The following PKNOX2 variants were observed in gnomAD, a reference collection of about 807,000 sequenced individuals.
PKNOX2 encodes the protein PBX/knotted 1 homeobox 2, also known as homeobox protein PKNOX2.
A neutral mutation model predicts 53.1 loss-of-function variants in PKNOX2; 14 were observed. The observed-to-expected ratio is 0.26, with a 90% CI of 0.17 to 0.41. PKNOX2 has a LOEUF of 0.41. PKNOX2 is among the 10% of genes least tolerant of loss of function. The pLI is 1.00. For missense variants in PKNOX2, 496 were observed against 602.8 expected (o/e 0.82, Z 1.85); for synonymous variants, 257 against 242.8 (o/e 1.06, Z -0.54).
Position 125,374,664 on chromosome 11 carries a change from G to A in PKNOX2, c.227+6679G>A, listed in dbSNP as rs80277332. 3.0e-4 allele frequency among the ~76,000 whole-genome samples: 46 copies of A among 152,232 alleles called. No individual in the cohort carries two copies. In the East Asian group the frequency reaches 8.3e-3, roughly 27 times the overall value. On this transcript the variant is annotated intron_variant, in intron 5 of 12. Transcript: ENST00000298282. ...GAGTGGTTGGTCGTGCTGCTTCCAC[G>A]GCTCACCTCCCTGACCTAGGTAGAG...
At chr11:125,313,954 G>A (rs1318615203) in intron 2 of PKNOX2, among the ~76,000 whole-genome samples, 1 of 152,180 alleles carries the variant, frequency 6.6e-6, no homozygotes, top group Non-Finnish European at 1.5e-5. Context: ...GCAGCCCTGT[G>A]AGTTCTGTGT....
intron 1 of PKNOX2, among the ~76,000 whole-genome samples, chr11:125,213,152 C>A (rs934701754): frequency 2.6e-5 from 4 of 152,120 alleles, no homozygotes. Context: ...TATTCTCCCC[C>A]ATCTTCAAAA....
chr11:125,200,616 G>A (rs770685061), intron 1 of PKNOX2, among the ~76,000 whole-genome samples: 9 of 152,086 alleles, frequency 5.9e-5, no homozygotes, highest in Non-Finnish European at 1.2e-4. Flanking sequence ...CTGGCCCTCC[G>A]TCTGTTCTCT....
chr11:125,270,824 A>G (rs915646811), intron 2 of PKNOX2, among the ~76,000 whole-genome samples: 3 of 152,206 alleles, frequency 2.0e-5, no homozygotes, highest in Admixed American at 6.5e-5. Context: ...CTTGGAAATC[A>G]TCACGAGCAC....
At chr11:125,270,263 G>A (rs1945687213) in intron 2 of PKNOX2, among the ~76,000 whole-genome samples, 1 of 152,214 alleles carries the variant, frequency 6.6e-6, no homozygotes, top group Non-Finnish European at 1.5e-5. Context: ...CAAACCGAAT[G>A]ACTGGCATCG....
In PKNOX2 at chr11:125,310,446, G is replaced by A. The variant is rs183792197; in HGVS notation, c.-129-21373G>A. Among the ~76,000 whole-genome samples, 1,271 of 151,640 alleles carry A rather than the reference G, an allele frequency of 8.4e-3. 10 individuals are homozygous for A. The highest frequency in any genetic ancestry group is 0.013 in the Non-Finnish European group (870 of 67,924). The stretch of plus-strand genomic sequence containing the variant: ...GGAGGCGGAGGTTGCAGTGAGCCGA[G>A]ATCCTACCACTGCACTCCAGCCTGT... On this transcript the variant is annotated intron_variant, in intron 2 of 12. Coordinates refer to ENST00000298282, the MANE Select transcript of PKNOX2 (RefSeq NM_001382323.2).
chr11:125,248,133 T>C (rs1018361420), intron 2 of PKNOX2, among the ~76,000 whole-genome samples: 1 of 152,208 alleles, frequency 6.6e-6, no homozygotes, highest in Non-Finnish European at 1.5e-5. Context: ...GAATTTGCAA[T>C]AGATGTTTCC....
At chr11:125,341,458 C>T (rs1950682801) in intron 3 of PKNOX2, among the ~76,000 whole-genome samples, 1 of 152,134 alleles carries the variant, frequency 6.6e-6, no homozygotes, top group South Asian at 2.1e-4. Flanking sequence ...AGACTTTGTG[C>T]AGTCATATTG....
intron 5 of PKNOX2, among the ~76,000 whole-genome samples, chr11:125,382,994 C>T (rs1340104202): frequency 6.6e-6 from 1 of 152,102 alleles, no homozygotes; most frequent in African/African-American, 2.4e-5. Flanking sequence ...GTTTAGGCAT[C>T]GGCTTCCAAA....
chr11:125,411,486 C>CTCTG (rs1955517991), intron 9 of PKNOX2: 1 of 433,944 alleles, frequency 2.3e-6, no homozygotes, highest in African/African-American at 2.1e-5. Flanking sequence ...CTCTCTCTCT[C>CTCTG]TCTCTCTCTC....
chr11:125,376,620 G>T (rs1287855519), intron 5 of PKNOX2, among the ~76,000 whole-genome samples: 1 of 152,222 alleles, frequency 6.6e-6, no homozygotes, highest in Non-Finnish European at 1.5e-5. Context: ...GAGCCTGAAA[G>T]AACTTGAGGA....
At chr11:125,315,230 G>A (rs1401927875) in intron 2 of PKNOX2, among the ~76,000 whole-genome samples, 3 of 133,886 alleles carry the variant, frequency 2.2e-5, no homozygotes, top group South Asian at 2.5e-4. Context: ...GGAGAAATCC[G>A]AATAACTAAT....
intron 2 of PKNOX2, among the ~76,000 whole-genome samples, chr11:125,318,327 C>T (rs1949328979): frequency 1.4e-5 from 2 of 146,734 alleles, no homozygotes; most frequent in African/African-American, 2.6e-5. Flanking sequence ...TACCATGTTG[C>T]CCAGGTTGGT....
At chr11:125,230,971 A>G (rs1942157429) in intron 1 of PKNOX2, among the ~76,000 whole-genome samples, 2 of 152,156 alleles carry the variant, frequency 1.3e-5, no homozygotes, top group South Asian at 4.1e-4. Flanking sequence ...TGCTAGCAAG[A>G]GACTTAGTGC....
At chr11:125,334,325 G>A (rs762007527) in intron 3 of PKNOX2, among the ~76,000 whole-genome samples, 1 of 152,200 alleles carries the variant, frequency 6.6e-6, no homozygotes, top group Non-Finnish European at 1.5e-5. Flanking sequence ...GTTCTCAAGA[G>A]CCAGCCAGTG....
At chr11:125,331,305 T>C (rs1950128419) in intron 2 of PKNOX2, among the ~76,000 whole-genome samples, 1 of 152,196 alleles carries the variant, frequency 6.6e-6, no homozygotes, top group Non-Finnish European at 1.5e-5. Context: ...CCTCCGACTC[T>C]TCCTCCCTGC....
chr11:125,380,986 G>A (rs925932011), intron 5 of PKNOX2, among the ~76,000 whole-genome samples: 1 of 152,160 alleles, frequency 6.6e-6, no homozygotes, highest in Non-Finnish European at 1.5e-5. Context: ...CCATAACTGT[G>A]TTGGGAACAG....
intron 2 of PKNOX2, among the ~76,000 whole-genome samples, chr11:125,265,148 G>T (rs548492423): frequency 6.6e-6 from 1 of 152,016 alleles, no homozygotes; most frequent in Non-Finnish European, 1.5e-5. Flanking sequence ...TTAGCCAGGC[G>T]TGATGGTGGG....
chr11:125,302,536 T>G (rs1363451716), intron 2 of PKNOX2, among the ~76,000 whole-genome samples: 4 of 152,172 alleles, frequency 2.6e-5, no homozygotes, highest in Non-Finnish European at 5.9e-5. Flanking sequence ...CCTCTGGCTG[T>G]CAGGAAGCTC....
Sources: allele counts gnomAD v4.1 joint callset (sites outside exome capture counted in the v4.1 genomes callset), GRCh38; gene constraint gnomAD v4.1.1; transcripts MANE v1.5; gene names NCBI Gene and HGNC (gene_info 2026-07-23, HGNC 2026-07-21).